MAGI1: variants seen among roughly 807,000 people sequenced by gnomAD.
MAGI1 encodes membrane-associated guanylate kinase, WW and PDZ domain-containing protein 1.
A neutral mutation model predicts 139.9 loss-of-function variants in MAGI1; 58 were observed. The observed-to-expected ratio is 0.41, with a 90% confidence interval of 0.34 to 0.52. MAGI1 has a LOEUF of 0.52. MAGI1 is among the 20% of genes least tolerant of loss of function. MAGI1 has a pLI of 0.12. For missense variants in MAGI1, 1,874 were observed against 1,901.6 expected (o/e 0.99, Z 0.27); for synonymous variants, 812 against 737.9 (o/e 1.10, Z -1.63).
intron 12 of MAGI1, among the ~76,000 whole-genome samples, chr3:65,403,133 A>G (rs557297355): frequency 6.6e-6 from 1 of 152,166 alleles, no homozygotes. Context: ...CTCCATTTAT[A>G]AAGGGAAAAT....
chr3:65,923,154 G>A (rs574043517), intron 1 of MAGI1, among the ~76,000 whole-genome samples: 1 of 151,402 alleles, frequency 6.6e-6, no homozygotes. Context: ...ACCTATACTT[G>A]CTCTATCCAT....
intron 1 of MAGI1, among the ~76,000 whole-genome samples, chr3:66,001,608 C>T (rs1368087119): frequency 1.3e-5 from 2 of 152,166 alleles, no homozygotes; most frequent in Non-Finnish European, 2.9e-5. Flanking sequence ...AGACAGGTTA[C>T]ATAACATGGC....
At chr3:65,950,067 C>CAAAAAAAA (rs61696952) in intron 1 of MAGI1, among the ~76,000 whole-genome samples, 3 of 76,714 alleles carry the variant, frequency 3.9e-5, no homozygotes, top group African/African-American at 5.8e-5. Flanking sequence ...AACAAAAAAA[C>CAAAAAAAA]AAAAAAAAAA....
chr3:65,444,624 G>C (rs1559559299), intron 7 of MAGI1, among the ~76,000 whole-genome samples: 1 of 152,146 alleles, frequency 6.6e-6, no homozygotes. Context: ...TTAGGCACCA[G>C]GGACACAAAG....
Position 65,989,211 on chromosome 3 carries a change from A to G in MAGI1, c.313+48785T>C, listed in dbSNP as rs139125861. Reference sequence around the variant, plus strand: ...TGGAAGATTTTAAGAGGATTTATATAGAAATAATGTAAAACATACATTCAA... The same window carrying G: ...TGGAAGATTTTAAGAGGATTTATATGGAAATAATGTAAAACATACATTCAA... On this transcript the variant is annotated intron_variant, in intron 1 of 22. Transcript: ENST00000402939. Among the ~76,000 whole-genome samples the G allele has an allele frequency of 3.0e-3, 451 of 152,378 alleles. 2 individuals are homozygous for G. Among genetic ancestry groups the G allele is most frequent in the Non-Finnish European group, 5.6e-3 (379 of 68,044 alleles).
chr3:65,711,525 T>C (rs1228764097), intron 1 of MAGI1, among the ~76,000 whole-genome samples: 1 of 152,170 alleles, frequency 6.6e-6, no homozygotes, highest in Non-Finnish European at 1.5e-5. Context: ...GAGCTTAGTT[T>C]TGTCCCCCCA....
chr3:65,808,351 A>G (rs1256897063), intron 1 of MAGI1, among the ~76,000 whole-genome samples: 2 of 151,754 alleles, frequency 1.3e-5, no homozygotes, highest in Non-Finnish European at 2.9e-5. Context: ...AAAATACAAA[A>G]AGGCAGGCAT....
intron 5 of MAGI1, chr3:65,469,909 T>G (rs1950446606): frequency 6.8e-6 from 1 of 147,988 alleles, no homozygotes; most frequent in African/African-American, 2.4e-5. Flanking sequence ...TTAATATATT[T>G]ATTTTTAAAT....
intron 22 of MAGI1, chr3:65,358,942 C>G (rs1940493129): frequency 2.2e-6 from 2 of 902,290 alleles, no homozygotes; most frequent in Non-Finnish European, 3.6e-6. Flanking sequence ...GTTGTACTTA[C>G]AATTCAAAGA....
At chr3:65,986,227 G>T (rs2065871600) in intron 1 of MAGI1, among the ~76,000 whole-genome samples, 2 of 151,798 alleles carry the variant, frequency 1.3e-5, no homozygotes, top group Non-Finnish European at 2.9e-5. Context: ...AAATGACATT[G>T]TTTTTTTCTG....
rs189427843 is a variant in MAGI1 at position 65,682,966 on chromosome 3, C to A, written c.314-60878G>T. ...GGGATGAAACTGTTCCACCTCAGAT[C>A]ATTAGGCATTAGATTCTCATAAAGA... is the stretch of plus-strand genomic sequence containing the variant. On this transcript the variant is annotated intron_variant, in intron 1 of 22. Coordinates refer to ENST00000402939, the MANE Select transcript of MAGI1 (RefSeq NM_001033057.2). Among the ~76,000 whole-genome samples, 15 of 152,180 alleles carry A rather than the reference C, an allele frequency of 9.9e-5. 1 individual carries two copies. The highest frequency in any genetic ancestry group is 8.5e-4 in the Admixed American group (13 of 15,280).
At chr3:65,388,135 A>T (rs149101879) in intron 14 of MAGI1, among the ~76,000 whole-genome samples, 2 of 152,310 alleles carry the variant, frequency 1.3e-5, no homozygotes, top group East Asian at 3.9e-4. Context: ...TTAAACATTG[A>T]AACCCTTCAA....
chr3:65,898,656 T>C (rs1458316734), intron 1 of MAGI1, among the ~76,000 whole-genome samples: 3 of 152,202 alleles, frequency 2.0e-5, no homozygotes, highest in African/African-American at 7.2e-5. Context: ...TATACTGACA[T>C]AGAAAAGCAA....
chr3:65,570,001 G>C (rs1002690565), intron 2 of MAGI1, among the ~76,000 whole-genome samples: 4 of 150,868 alleles, frequency 2.7e-5, no homozygotes, highest in East Asian at 1.9e-4. Context: ...AGAAAGATGA[G>C]AGGTAGTATA....
At chr3:65,631,417 T>C (rs1211629609) in intron 1 of MAGI1, among the ~76,000 whole-genome samples, 1 of 152,214 alleles carries the variant, frequency 6.6e-6, no homozygotes, top group African/African-American at 2.4e-5. Context: ...AAATATAGTT[T>C]TAAGGGCTAC....
At chr3:65,597,621 T>C in intron 2 of MAGI1, 3 of 451,450 alleles carry the variant, frequency 6.6e-6, no homozygotes, top group South Asian at 4.7e-5. Context: ...TCCTCCCTGG[T>C]CCACACACCA....
At chr3:65,790,459 T>C (rs2039683386) in intron 1 of MAGI1, among the ~76,000 whole-genome samples, 1 of 152,190 alleles carries the variant, frequency 6.6e-6, no homozygotes, top group Non-Finnish European at 1.5e-5. Flanking sequence ...TCCAACCCCT[T>C]TGAAGTCCAG....
chr3:65,927,719 G>T (rs1377646251), intron 1 of MAGI1, among the ~76,000 whole-genome samples: 1 of 152,114 alleles, frequency 6.6e-6, no homozygotes, highest in South Asian at 2.1e-4. Context: ...AAGGGACTGT[G>T]GTTTGGGCTG....
chr3:66,003,554 T>C (rs2066864812), intron 1 of MAGI1, among the ~76,000 whole-genome samples: 1 of 152,126 alleles, frequency 6.6e-6, no homozygotes, highest in Non-Finnish European at 1.5e-5. Context: ...ACCTCCCAGG[T>C]TGAAGAGATT....
Sources: allele counts gnomAD v4.1 joint callset (sites outside exome capture counted in the v4.1 genomes callset), GRCh38; gene constraint gnomAD v4.1.1; transcripts MANE v1.5; gene names NCBI Gene and HGNC (gene_info 2026-07-23, HGNC 2026-07-21).